UGT1A7: variants seen among roughly 807,000 people sequenced by gnomAD.
UGT1A7 encodes UDP glucuronosyltransferase family 1 member A7, also known as UDP-glucuronosyltransferase 1A7.
Under a neutral mutation model 45.6 loss-of-function variants are expected in UGT1A7, and 33 were observed. The observed-to-expected ratio is 0.72, with a 90% CI of 0.55 to 0.97. The LOEUF (loss-of-function observed/expected upper bound fraction) is 0.97. UGT1A7 is among the 50% of genes least tolerant of loss of function. The pLI, the probability that UGT1A7 is intolerant of heterozygous loss-of-function variation, is 0.00. For synonymous variants in UGT1A7, 274 were observed against 250.6 expected (o/e 1.09, Z -0.88); for missense variants, 684 against 666.2 (o/e 1.03, Z -0.29).
At position 233,682,209 on chromosome 2, in the gene UGT1A7, T is replaced by C. The variant is rs748750043; in HGVS notation, c.272T>C (p.Met91Thr). 6.2e-6 allele frequency: 10 copies of C among 1,614,108 alleles called. No homozygotes were observed. Among genetic ancestry groups the C allele is most frequent in the Middle Eastern group, 1.6e-4 (1 of 6,082 alleles). ...YTLEDQDREF[M>T]VFADARWTAP... Reference sequence around the variant, plus strand: ...CTGGAGGATCAGGACCGGGAGTTCATGGTTTTTGCCGATGCTCGCTGGACG... The same window carrying C: ...CTGGAGGATCAGGACCGGGAGTTCACGGTTTTTGCCGATGCTCGCTGGACG... Residue 91 changes from methionine to threonine, a missense_variant, in exon 1 of 5, where the codon ATG (methionine) becomes ACG (threonine). Coordinates refer to ENST00000373426, the MANE Select transcript of UGT1A7 (RefSeq NM_019077.3).
In UGT1A7 at chr2:233,682,539, T is replaced by C. The variant is rs138921290; in HGVS notation, c.602T>C (p.Met201Thr). The change falls in exon 1 of 5, where the codon ATG becomes ACG. Residue 201 changes from methionine to threonine, a missense_variant. By Grantham distance (81) the Met-to-Thr change is moderately conservative. Transcript: ENST00000373426. ...CTTCTCTTAGGGTTCTCAGACGCCATGACTTTCAAGGAGAGAGTATGGAAC... is the reference window on the plus strand; with the variant it reads ...CTTCTCTTAGGGTTCTCAGACGCCACGACTTTCAAGGAGAGAGTATGGAAC... ...PRLLLGFSDA[M>T]TFKERVWNHI... 520 of 1,613,826 alleles carry C rather than the reference T, an allele frequency of 3.2e-4. 1 individual carries two copies. Among genetic ancestry groups the C allele is most frequent in the Non-Finnish European group, 4.0e-4 (467 of 1,179,850 alleles).
intron 1 of UGT1A7, among the ~76,000 whole-genome samples, chr2:233,751,050 G>T (rs1201577547): frequency 6.6e-6 from 1 of 151,910 alleles, no homozygotes; most frequent in Non-Finnish European, 1.5e-5. Context: ...GCCTGGAAAA[G>T]ACACAGACAC....
chr2:233,713,373 T>C (rs1347311443), intron 1 of UGT1A7: 2 of 1,614,164 alleles, frequency 1.2e-6, no homozygotes, highest in Non-Finnish European at 8.5e-7. Context: ...ACATAGGTCT[T>C]GTGTGGAGCT....
chr2:233,750,271 C>T (rs1694411042), intron 1 of UGT1A7, among the ~76,000 whole-genome samples: 1 of 151,886 alleles, frequency 6.6e-6, no homozygotes, highest in South Asian at 2.1e-4. Flanking sequence ...TATGCTTTAG[C>T]AAAGAGACTG....
intron 4 of UGT1A7, among the ~76,000 whole-genome samples, chr2:233,772,017 G>T (rs1484729268): frequency 7.9e-5 from 12 of 152,188 alleles, no homozygotes; most frequent in African/African-American, 9.7e-5. Context: ...GGAGGCTGAG[G>T]CAGGAGGATG....
At chr2:233,743,643 T>G in intron 1 of UGT1A7, 3 of 1,367,286 alleles carry the variant, frequency 2.2e-6, no homozygotes, top group Non-Finnish European at 2.9e-6. Context: ...TCGCGGAAGC[T>G]GAAGACGTAC....
At chr2:233,705,261 G>A (rs1042123676) in intron 1 of UGT1A7, among the ~76,000 whole-genome samples, 1 of 152,140 alleles carries the variant, frequency 6.6e-6, no homozygotes, top group Admixed American at 6.5e-5. Context: ...ATTCTATGGG[G>A]TCACTTGCTT....
At chr2:233,729,551 A>C (rs749535297) in intron 1 of UGT1A7, 5 of 1,614,156 alleles carry the variant, frequency 3.1e-6, no homozygotes, top group Non-Finnish European at 3.4e-6. Context: ...AGGCACCTGA[A>C]TGCTACTTCC....
rs375204962 is a variant in UGT1A7, at chr2:233,760,376, T to C, written c.856-6658T>C. The C allele has an allele frequency of 6.2e-6, 10 of 1,614,042 alleles. No individual in the cohort carries two copies. In the African/African-American group the frequency reaches 6.7e-5, roughly 11 times the overall value. ...CCAGTGGTGTCCCATGCTGGGAAGA[T>C]ACTGTTGATCCCAGTGGATGGCAGC... On this transcript the variant is annotated intron_variant, in intron 1 of 4. Coordinates refer to ENST00000373426, the MANE Select transcript of UGT1A7 (RefSeq NM_019077.3).
rs1421333211 is a variant in UGT1A7, at chr2:233,745,618, A to T, written c.856-21416A>T. Among the ~76,000 whole-genome samples, 6 of 151,724 alleles carry T rather than the reference A, an allele frequency of 4.0e-5. No individual in the cohort carries two copies. The East Asian group carries it at 1.2e-3, about 29-fold the overall frequency. ...CTTGGCACTTGGTAAGCACACAATG[A>T]ACAGTCATAGAAAGCTGGCCGAGGG... On this transcript the variant is annotated intron_variant, in intron 1 of 4. Coordinates refer to ENST00000373426, the MANE Select transcript of UGT1A7 (RefSeq NM_019077.3).
intron 1 of UGT1A7, among the ~76,000 whole-genome samples, chr2:233,727,386 G>A (rs1285965204): frequency 1.3e-5 from 2 of 152,076 alleles, no homozygotes; most frequent in Non-Finnish European, 2.9e-5. Context: ...GAGTACCACC[G>A]TCTTCCAAGA....
At chr2:233,697,038 T>C (rs772110742) in intron 1 of UGT1A7, among the ~76,000 whole-genome samples, 44 of 151,092 alleles carry the variant, frequency 2.9e-4, no homozygotes, top group Non-Finnish European at 6.2e-4. Context: ...CGCAGTTTTC[T>C]TTTTTTTTGT....
chr2:233,735,745 A>T lies in UGT1A7; in HGVS notation c.856-31289A>T, dbSNP rs1416726513. Among the ~76,000 whole-genome samples, 5 of 152,186 alleles carry T rather than the reference A, an allele frequency of 3.3e-5. No individual in the cohort carries two copies. The East Asian group carries it at 9.6e-4, about 29-fold the overall frequency. ...CTCAGCATTTGCTTGTCTATAAAGG[A>T]TTTTATTTCTCCTTCACTTATGAAG... On this transcript the variant is annotated intron_variant, in intron 1 of 4. Coordinates refer to ENST00000373426, the MANE Select transcript of UGT1A7 (RefSeq NM_019077.3).
chr2:233,744,039 G>T, intron 1 of UGT1A7: 2 of 770,652 alleles, frequency 2.6e-6, no homozygotes, highest in Non-Finnish European at 3.6e-6. Context: ...TTATGACGCA[G>T]CCACATCTCA....
chr2:233,762,954 A>G (rs1248639717), intron 1 of UGT1A7, among the ~76,000 whole-genome samples: 1 of 152,252 alleles, frequency 6.6e-6, no homozygotes, highest in Admixed American at 6.5e-5. Context: ...TTCTGGCAAT[A>G]GGAAAGATGC....
At chr2:233,718,205 T>A (rs2076639631) in intron 1 of UGT1A7, among the ~76,000 whole-genome samples, 2 of 152,198 alleles carry the variant, frequency 1.3e-5, no homozygotes, top group Non-Finnish European at 2.9e-5. Flanking sequence ...AGCTTTTTTT[T>A]ATATTGACAG....
At chr2:233,687,261 A>G (rs2074829580) in intron 1 of UGT1A7, among the ~76,000 whole-genome samples, 2 of 152,180 alleles carry the variant, frequency 1.3e-5, no homozygotes, top group Admixed American at 6.5e-5. Flanking sequence ...GATCTTAACC[A>G]TGCATTCAGA....
At chr2:233,693,222 A>G (rs1369651424) in intron 1 of UGT1A7, 1 of 1,614,126 alleles carries the variant, frequency 6.2e-7, no homozygotes, top group Non-Finnish European at 8.5e-7. Context: ...TCCAAATACT[A>G]CACAAGAAAA....
At chr2:233,751,502 G>A (rs1015716404) in intron 1 of UGT1A7, among the ~76,000 whole-genome samples, 1 of 152,208 alleles carries the variant, frequency 6.6e-6, no homozygotes, top group Non-Finnish European at 1.5e-5. Flanking sequence ...AGATTTGGGA[G>A]GGGCCAGAGG....
Sources: allele counts gnomAD v4.1 joint callset (sites outside exome capture counted in the v4.1 genomes callset), GRCh38; gene constraint gnomAD v4.1.1; transcripts MANE v1.5; gene names NCBI Gene and HGNC (gene_info 2026-07-23, HGNC 2026-07-21).